Variants in CSMD2 observed in about 807,000 individuals in gnomAD.
CSMD2 encodes the protein CUB and Sushi multiple domains 2, also known as CUB and sushi domain-containing protein 2.
Under a neutral mutation model 398.5 loss-of-function variants are expected in CSMD2, and 130 were observed. That is an observed-to-expected ratio of 0.33 (90% confidence interval 0.28 to 0.38). CSMD2 has a LOEUF of 0.38. Ranked by LOEUF, CSMD2 falls within the 10% of genes least tolerant of loss-of-function variation. The probability of loss-of-function intolerance (pLI) is 1.00; values close to 1 mark genes in which losing one functional copy is unlikely to be tolerated. For missense variants in CSMD2, 3,829 were observed against 4,764.9 expected, an observed-to-expected ratio of 0.80 and a Z score of 5.78; for synonymous variants, 1,828 against 1,908.5, an observed-to-expected ratio of 0.96 and a Z score of 1.10.
chr1:34,130,451 T>C (rs189013257), intron 1 of CSMD2, among the ~76,000 whole-genome samples: 5 of 142,036 alleles, frequency 3.5e-5, no homozygotes, highest in Admixed American at 2.2e-4. Flanking sequence ...CAAGTACACC[T>C]GGGGTATGGA....
chr1:33,687,471 T>C (rs1239076941), intron 25 of CSMD2, among the ~76,000 whole-genome samples: 1 of 151,968 alleles, frequency 6.6e-6, no homozygotes, highest in Non-Finnish European at 1.5e-5. Context: ...ACAAGATCAC[T>C]GGCAAAATAA....
chr1:33,598,374 C>T (rs1639976080), intron 44 of CSMD2, among the ~76,000 whole-genome samples: 1 of 152,236 alleles, frequency 6.6e-6, no homozygotes, highest in African/African-American at 2.4e-5. Context: ...AGCAGTTCCT[C>T]CTCTCTTGCC....
chr1:33,617,581 G>A lies in CSMD2; in HGVS notation c.5864C>T (p.Pro1955Leu). ...GLSSCPEPAVPSNGVKTGERY... is the reference protein window; with the variant it reads ...GLSSCPEPAVLSNGVKTGERY... ...CTCGCCAGTCTTCACCCCGTTACTGGGCACAGCAGGTTCCGGACAACTGCT... is the reference window on the plus strand; with the variant it reads ...CTCGCCAGTCTTCACCCCGTTACTGAGCACAGCAGGTTCCGGACAACTGCT... The change falls in exon 38 of 71, where the codon CCC (proline) becomes CTC (leucine). Residue 1955 changes from proline (P) to leucine (L), a missense_variant. Coordinates refer to ENST00000373381, the MANE Select transcript of CSMD2 (RefSeq NM_001281956.2). 1 of 1,614,086 alleles carries A rather than the reference G, an allele frequency of 6.2e-7. No homozygotes were observed.
chr1:33,642,202 C>T (rs1411543162), intron 29 of CSMD2, among the ~76,000 whole-genome samples: 1 of 151,946 alleles, frequency 6.6e-6, no homozygotes, highest in Non-Finnish European at 1.5e-5. Flanking sequence ...CAAAAACTAG[C>T]CGGGTGTGGT....
rs1012708181 is a variant in CSMD2 at position 33,533,935 on chromosome 1, C to G, written c.9880-28G>C. On this transcript the variant is annotated intron_variant, in intron 62 of 70. Transcript: ENST00000373381. The surrounding 1 kb of genome is among the most constrained non-coding windows in gnomAD (Gnocchi z 4.2). ...GCGGCAAGATACAAAGTCCCATCAG[C>G]CCCTTCCTTTCAGCGGTGCTTCCTA... 2 of 1,471,166 alleles carry G rather than the reference C, an allele frequency of 1.4e-6. No homozygotes were observed. The highest frequency in any genetic ancestry group is 2.3e-5 in the East Asian group (1 of 44,146). The allele number at this position is 1,471,166 out of a possible 1,614,324, so 91.1% of individuals were successfully genotyped here.
chr1:33,741,787 G>A (rs1647076707), intron 14 of CSMD2, among the ~76,000 whole-genome samples: 1 of 152,174 alleles, frequency 6.6e-6, no homozygotes, highest in Admixed American at 6.5e-5. Flanking sequence ...GCCATCAGCT[G>A]CCTCCTCCTC....
At chr1:33,600,398 G>A (rs2148801991) in intron 44 of CSMD2, 1 of 577,410 alleles carries the variant, frequency 1.7e-6, no homozygotes. Flanking sequence ...GCCAATAAAG[G>A]CATACCTACT....
chr1:33,538,330 G>T (rs552585532), intron 60 of CSMD2, among the ~76,000 whole-genome samples: 32 of 152,332 alleles, frequency 2.1e-4, no homozygotes, highest in Admixed American at 2.0e-3. Flanking sequence ...TTACACTGCG[G>T]TGGGTAGTGC....
At chr1:33,793,922 C>A (rs1359486418) in intron 10 of CSMD2, among the ~76,000 whole-genome samples, 2 of 152,180 alleles carry the variant, frequency 1.3e-5, no homozygotes, top group Admixed American at 6.5e-5. Flanking sequence ...CAGGCACTCA[C>A]TCCTGATGTC....
Position 33,623,706 on chromosome 1 carries a change from G to A in CSMD2, c.5626-240C>T, listed in dbSNP as rs112502624. 2.8e-3 allele frequency among the ~76,000 whole-genome samples: 431 copies of A among 152,332 alleles called. 1 individual carries two copies. Among genetic ancestry groups the A allele is most frequent in the African/African-American group, 1.0e-2 (415 of 41,574 alleles). On this transcript the variant is annotated intron_variant, in intron 35 of 70. Coordinates refer to ENST00000373381, the MANE Select transcript of CSMD2 (RefSeq NM_001281956.2). The stretch of plus-strand genomic sequence containing the variant: ...TTAGAAGACAGTGGATATTTTGCAA[G>A]GCAGAGAATGGGGAAAAGAAGTTCC...
At position 33,668,327 on chromosome 1, in the gene CSMD2, G is replaced by T. The variant is rs142226136; in HGVS notation, c.4053-5235C>A. 5.0e-3 allele frequency among the ~76,000 whole-genome samples: 755 copies of T among 152,232 alleles called. 6 individuals carry two copies. Among genetic ancestry groups the T allele is most frequent in the Middle Eastern group, 0.048 (14 of 294 alleles). ...TGACAGGTTCCGATTTACATTTTGC[G>T]ATCACTCTTGGTGCCTGGGTAAGAA... On this transcript the variant is annotated intron_variant, in intron 25 of 70. Coordinates refer to ENST00000373381, the MANE Select transcript of CSMD2 (RefSeq NM_001281956.2).
chr1:33,815,771 A>T (rs1035668556), intron 9 of CSMD2, among the ~76,000 whole-genome samples: 19 of 152,386 alleles, frequency 1.2e-4, no homozygotes, highest in African/African-American at 4.6e-4. Flanking sequence ...AATTTAATAA[A>T]TAAGAGCTTT....
At chr1:33,990,216 G>T (rs1424468041) in intron 3 of CSMD2, among the ~76,000 whole-genome samples, 1 of 152,108 alleles carries the variant, frequency 6.6e-6, no homozygotes, top group Non-Finnish European at 1.5e-5. Flanking sequence ...ATGTTGCAGT[G>T]AGCTGAGATC....
intron 44 of CSMD2, among the ~76,000 whole-genome samples, chr1:33,597,256 G>C (rs1271779625): frequency 6.6e-6 from 1 of 151,940 alleles, no homozygotes; most frequent in Admixed American, 6.6e-5. Context: ...TCCACTTTTT[G>C]CAAGTCTAGC....
chr1:33,669,231 G>A (rs1644412964), intron 25 of CSMD2, among the ~76,000 whole-genome samples: 1 of 152,184 alleles, frequency 6.6e-6, no homozygotes, highest in Non-Finnish European at 1.5e-5. Context: ...AAGAGGCAAG[G>A]AAAGCTTCAA....
intron 5 of CSMD2, among the ~76,000 whole-genome samples, chr1:33,916,429 A>C (rs1643725732): frequency 6.6e-6 from 1 of 152,236 alleles, no homozygotes; most frequent in Non-Finnish European, 1.5e-5. Flanking sequence ...CACACTGCGC[A>C]GATCATCAGG....
At chr1:34,120,995 C>A (rs74556546) in intron 1 of CSMD2, among the ~76,000 whole-genome samples, 2 of 152,146 alleles carry the variant, frequency 1.3e-5, no homozygotes, top group African/African-American at 4.8e-5. Context: ...TATTTACTAA[C>A]GTATTTGTTT....
chr1:33,764,247 T>G (rs999218939), intron 13 of CSMD2, among the ~76,000 whole-genome samples: 1 of 152,084 alleles, frequency 6.6e-6, no homozygotes, highest in Non-Finnish European at 1.5e-5. Flanking sequence ...CAGGGTCAGC[T>G]CTTTCAGCCC....
At chr1:33,993,983 A>G (rs1646645456) in intron 3 of CSMD2, among the ~76,000 whole-genome samples, 1 of 152,146 alleles carries the variant, frequency 6.6e-6, no homozygotes, top group Non-Finnish European at 1.5e-5. Context: ...TCTAAATGTG[A>G]ATGGGTTAAA....
Sources: allele counts gnomAD v4.1 joint callset (sites outside exome capture counted in the v4.1 genomes callset), GRCh38; gene constraint gnomAD v4.1.1; non-coding constraint Gnocchi (gnomAD v3.1); transcripts MANE v1.5; gene names NCBI Gene and HGNC (gene_info 2026-07-23, HGNC 2026-07-21).